The following PCDH15 variants were observed in gnomAD, a reference collection of about 807,000 sequenced individuals.
PCDH15 encodes the protein protocadherin related 15.
Under a neutral mutation model 178.5 loss-of-function variants are expected in PCDH15, and 129 were observed. The ratio of observed to expected loss-of-function variants is 0.72; its 90% CI spans 0.63 to 0.84. The LOEUF (loss-of-function observed/expected upper bound fraction) is 0.84. Ranked by LOEUF, PCDH15 falls within the 40% of genes least tolerant of loss-of-function variation. The probability of loss-of-function intolerance (pLI) is 0.00; values close to 1 mark genes in which losing one functional copy is unlikely to be tolerated. For synonymous variants in PCDH15, 800 were observed against 732.0 expected, an observed-to-expected ratio of 1.09 and a Z score of -1.50; for missense variants, 2,230 against 2,099.9, an observed-to-expected ratio of 1.06 and a Z score of -1.21.
chr10:55,055,495 A>T (rs1841274698), intron 2 of PCDH15, among the ~76,000 whole-genome samples: 1 of 152,090 alleles, frequency 6.6e-6, no homozygotes, highest in East Asian at 1.9e-4. Context: ...ACAACATAAT[A>T]CTCTTCTTGC....
chr10:54,671,011 T>G (rs938384494), intron 1 of PCDH15, among the ~76,000 whole-genome samples: 2 of 152,140 alleles, frequency 1.3e-5, no homozygotes, highest in African/African-American at 4.8e-5. Flanking sequence ...AATCTCAGTC[T>G]TTTAGATAAA....
intron 2 of PCDH15, among the ~76,000 whole-genome samples, chr10:55,489,446 T>A (rs1840367834): frequency 6.6e-6 from 1 of 151,690 alleles, no homozygotes; most frequent in African/African-American, 2.4e-5. Flanking sequence ...TCAGAGAATA[T>A]CTTCACTTTA....
At chr10:55,175,023 G>A (rs1839439300) in intron 1 of PCDH15, among the ~76,000 whole-genome samples, 1 of 149,384 alleles carries the variant, frequency 6.7e-6, no homozygotes, top group Admixed American at 6.7e-5. Context: ...CTTACAAACA[G>A]CAGAGAAGTT....
intron 2 of PCDH15, among the ~76,000 whole-genome samples, chr10:54,992,309 A>G (rs1036184589): frequency 1.3e-5 from 2 of 152,168 alleles, no homozygotes; most frequent in Non-Finnish European, 2.9e-5. Context: ...TGGTCAAAAC[A>G]TGAACACTTG....
At chr10:53,980,268 G>A (rs1390878496) in intron 21 of PCDH15, among the ~76,000 whole-genome samples, 2 of 151,672 alleles carry the variant, frequency 1.3e-5, no homozygotes, top group Non-Finnish European at 2.9e-5. Flanking sequence ...TTTGAACAAG[G>A]GGTAAAAGTA....
intron 2 of PCDH15, among the ~76,000 whole-genome samples, chr10:55,459,868 C>A (rs1839635303): frequency 1.3e-5 from 2 of 151,922 alleles, no homozygotes; most frequent in Admixed American, 1.3e-4. Context: ...TATGTTCAAA[C>A]TTCAATTAAA....
rs117960508 is a variant in PCDH15 at position 54,930,802 on chromosome 10, C to T, written c.-79-33302G>A. 2.6e-3 allele frequency among the ~76,000 whole-genome samples: 391 copies of T among 152,254 alleles called. 5 individuals are homozygous for T. In the East Asian group the frequency reaches 0.029, roughly 11 times the overall value. ...CAAATAACTGTAAAGTGTAGGAATT[C>T]AGTTAATAGTTCTTGTTTGATTGAA... On this transcript the variant is annotated intron_variant, in intron 2 of 5. Transcript: ENST00000458638.
intron 2 of PCDH15, among the ~76,000 whole-genome samples, chr10:55,006,533 T>C (rs1392062479): frequency 6.6e-6 from 1 of 152,222 alleles, no homozygotes; most frequent in African/African-American, 2.4e-5. Context: ...GAAATTATAT[T>C]CCTCTTGGCT....
At chr10:54,280,990 T>C (rs1464254685) in intron 8 of PCDH15, among the ~76,000 whole-genome samples, 3 of 151,928 alleles carry the variant, frequency 2.0e-5, no homozygotes, top group African/African-American at 7.2e-5. Context: ...TTTTCTAACT[T>C]ATCTATGTGT....
intron 2 of PCDH15, among the ~76,000 whole-genome samples, chr10:54,533,627 A>G (rs1169876453): frequency 6.6e-6 from 1 of 151,840 alleles, no homozygotes; most frequent in Non-Finnish European, 1.5e-5. Context: ...AAATTATATC[A>G]AAGATCAACT....
At chr10:54,762,687 G>T (rs1363932133) in intron 1 of PCDH15, among the ~76,000 whole-genome samples, 2 of 152,046 alleles carry the variant, frequency 1.3e-5, no homozygotes, top group East Asian at 1.9e-4. Context: ...CTTAAGCATT[G>T]TAACTTCATC....
At chr10:55,281,080 A>G (rs1842721135) in intron 1 of PCDH15, among the ~76,000 whole-genome samples, 1 of 152,220 alleles carries the variant, frequency 6.6e-6, no homozygotes. Flanking sequence ...CTGCAATGCT[A>G]TGCAGCCAAT....
chr10:55,110,161 A>G (rs1343137916), intron 2 of PCDH15, among the ~76,000 whole-genome samples: 1 of 152,000 alleles, frequency 6.6e-6, no homozygotes, highest in Non-Finnish European at 1.5e-5. Flanking sequence ...TAAAGAGCCA[A>G]TAAGATGTAG....
At chr10:54,994,504 CT>C (rs1839586387) in intron 2 of PCDH15, among the ~76,000 whole-genome samples, 3 of 151,852 alleles carry the variant, frequency 2.0e-5, no homozygotes, top group Non-Finnish European at 4.4e-5. Flanking sequence ...ATACAGTAAA[CT>C]TTTGTGATCT....
chr10:54,224,615 C>T (rs1003202859), intron 9 of PCDH15, among the ~76,000 whole-genome samples: 76 of 152,086 alleles, frequency 5.0e-4, no homozygotes, highest in African/African-American at 1.8e-3. Flanking sequence ...ACCCCTTTTA[C>T]ATAACTAAAA....
intron 27 of PCDH15, among the ~76,000 whole-genome samples, chr10:53,860,494 A>C (rs2079032179): frequency 6.6e-6 from 1 of 152,024 alleles, no homozygotes; most frequent in Non-Finnish European, 1.5e-5. Context: ...ATTTTGGGAG[A>C]CTGAGGCAGG....
At chr10:54,026,809 T>A (rs1008911258) in intron 18 of PCDH15, among the ~76,000 whole-genome samples, 2 of 152,150 alleles carry the variant, frequency 1.3e-5, no homozygotes, top group East Asian at 1.9e-4. Context: ...AAGAGCTATC[T>A]ATGACAAACC....
intron 2 of PCDH15, among the ~76,000 whole-genome samples, chr10:55,368,545 C>A (rs1182824547): frequency 6.6e-6 from 1 of 152,084 alleles, no homozygotes; most frequent in Non-Finnish European, 1.5e-5. Context: ...CTTAGAGTCA[C>A]TGAAATGTGT....
At chr10:54,868,975 A>C (rs555935104) in intron 3 of PCDH15, 1 of 152,302 alleles carries the variant, frequency 6.6e-6, no homozygotes, top group African/African-American at 2.4e-5. Flanking sequence ...ATAAAATAGT[A>C]ATATTTTAGT....
Sources: gnomAD v4.1 joint callset for allele counts (sites outside exome capture counted in the v4.1 genomes callset) on GRCh38, gnomAD v4.1.1 for gene constraint, MANE v1.5 for transcripts, NCBI Gene and HGNC (gene_info 2026-07-23, HGNC 2026-07-21) for gene names.